The following MAGI1 variants were observed in gnomAD, a reference collection of about 807,000 sequenced individuals.
The protein encoded by MAGI1 is membrane-associated guanylate kinase, WW and PDZ domain-containing protein 1.
In MAGI1, 58 loss-of-function variants were observed where a neutral mutation model predicts 139.9. The observed-to-expected ratio is 0.41, with a 90% CI of 0.34 to 0.52. The LOEUF (loss-of-function observed/expected upper bound fraction) is 0.52, where lower values mean the gene tolerates loss of function less well. Among genes scored for constraint, MAGI1 ranks in the 20% least tolerant of loss-of-function variants. The pLI is 0.12. For synonymous variants in MAGI1, 812 were observed against 737.9 expected, an observed-to-expected ratio of 1.10 and a Z score of -1.63; for missense variants, 1,874 against 1,901.6, an observed-to-expected ratio of 0.99 and a Z score of 0.27.
chr3:65,910,801 T>G (rs1171524575), intron 1 of MAGI1, among the ~76,000 whole-genome samples: 1 of 149,834 alleles, frequency 6.7e-6, no homozygotes, highest in Non-Finnish European at 1.5e-5. Flanking sequence ...GCTCATCACC[T>G]ATCCAACACA....
At chr3:65,619,797 C>T (rs1052518973) in intron 2 of MAGI1, 1 of 949,072 alleles carries the variant, frequency 1.1e-6, no homozygotes, top group Admixed American at 6.2e-5. Context: ...CCAAAACAGA[C>T]CTCTTCTGAA....
At chr3:65,630,487 G>A (rs1043601682) in intron 1 of MAGI1, among the ~76,000 whole-genome samples, 3 of 152,116 alleles carry the variant, frequency 2.0e-5, no homozygotes, top group Non-Finnish European at 4.4e-5. Context: ...AGAAGCACTA[G>A]TGGATAATGA....
intron 22 of MAGI1, chr3:65,360,653 C>G: frequency 5.1e-6 from 5 of 986,414 alleles, no homozygotes; most frequent in Non-Finnish European, 6.0e-6. Context: ...GTAGTGGGCT[C>G]AGATGGTCTG....
chr3:65,518,175 A>G (rs1449458730), intron 2 of MAGI1, among the ~76,000 whole-genome samples: 5 of 152,110 alleles, frequency 3.3e-5, no homozygotes, highest in African/African-American at 7.2e-5. Context: ...GTTTCAGCCT[A>G]AAGACTATCT....
intron 1 of MAGI1, among the ~76,000 whole-genome samples, chr3:65,746,623 C>T (rs6797657): frequency 0.26 from 39,504 of 151,914 alleles, 6,441 homozygotes; most frequent in East Asian, 0.43. Flanking sequence ...TCCATTCACT[C>T]GGCACATCTA....
rs183642077 is a variant in MAGI1, at chr3:65,389,159, G to A, written c.2416+1983C>T. ...CGCCTGGCCCCGAATATTTCAGTCC[G>A]GCTGCCACCTGAGCAACTTCAGTAC... On this transcript the variant is annotated intron_variant, in intron 14 of 22. Coordinates refer to ENST00000402939, the MANE Select transcript of MAGI1 (RefSeq NM_001033057.2). 3.3e-3 allele frequency among the ~76,000 whole-genome samples: 499 copies of A among 152,124 alleles called. 2 individuals carry two copies. The highest frequency in any genetic ancestry group is 0.013 in the South Asian group (65 of 4,816).
chr3:65,924,515 C>T (rs1048786364), intron 1 of MAGI1, among the ~76,000 whole-genome samples: 4 of 152,164 alleles, frequency 2.6e-5, no homozygotes, highest in Non-Finnish European at 5.9e-5. Context: ...CCATCATTTC[C>T]GTGGCAGGAA....
At chr3:65,821,673 G>A (rs754564587) in intron 1 of MAGI1, among the ~76,000 whole-genome samples, 15 of 152,056 alleles carry the variant, frequency 9.9e-5, no homozygotes, top group Admixed American at 5.9e-4. Context: ...AAATCACTCC[G>A]AACCTACAGC....
intron 1 of MAGI1, among the ~76,000 whole-genome samples, chr3:65,869,466 T>G (rs939078780): frequency 2.0e-5 from 3 of 150,040 alleles, no homozygotes; most frequent in South Asian, 2.2e-4. Flanking sequence ...AGTGGCGTGA[T>G]CTCCACTCAC....
intron 2 of MAGI1, among the ~76,000 whole-genome samples, chr3:65,585,964 T>C (rs2081652689): frequency 6.6e-6 from 1 of 152,034 alleles, no homozygotes; most frequent in Non-Finnish European, 1.5e-5. Flanking sequence ...TCCCAGTACT[T>C]TGGGAGGCTG....
intron 1 of MAGI1, among the ~76,000 whole-genome samples, chr3:65,713,418 C>A (rs999546065): frequency 3.3e-5 from 5 of 151,990 alleles, no homozygotes; most frequent in Non-Finnish European, 7.4e-5. Context: ...TTCCCCCTAT[C>A]AAGCTGCAAG....
At chr3:66,035,696 A>C (rs966843062) in intron 1 of MAGI1, among the ~76,000 whole-genome samples, 2 of 152,122 alleles carry the variant, frequency 1.3e-5, no homozygotes, top group African/African-American at 2.4e-5. Flanking sequence ...ATCCATCCAT[A>C]CATACATATA....
chr3:65,484,695 A>T (rs1282167065), intron 3 of MAGI1, among the ~76,000 whole-genome samples: 1 of 151,594 alleles, frequency 6.6e-6, no homozygotes, highest in East Asian at 2.0e-4. Context: ...CAGCATGTAA[A>T]CTGTGCCCCC....
chr3:65,872,081 G>A (rs1559963758), intron 1 of MAGI1, among the ~76,000 whole-genome samples: 1 of 144,268 alleles, frequency 6.9e-6, no homozygotes, highest in Non-Finnish European at 1.5e-5. Flanking sequence ...ATTCCTAACT[G>A]GGAAAACTGG....
intron 1 of MAGI1, among the ~76,000 whole-genome samples, chr3:65,891,218 A>C (rs866991520): frequency 0.017 from 2,611 of 151,620 alleles, 68 homozygotes; most frequent in African/African-American, 0.06. Context: ...ACACACACAA[A>C]AAAAAAAAAA....
At chr3:65,835,783 T>C (rs1241511647) in intron 1 of MAGI1, among the ~76,000 whole-genome samples, 1 of 152,172 alleles carries the variant, frequency 6.6e-6, no homozygotes, top group African/African-American at 2.4e-5. Flanking sequence ...GATTTAAGAA[T>C]TTATATTTAC....
chr3:65,708,447 CGAA>C (rs2030770614), intron 1 of MAGI1, among the ~76,000 whole-genome samples: 1 of 151,970 alleles, frequency 6.6e-6, no homozygotes, highest in Admixed American at 6.6e-5. Flanking sequence ...CCCTCAGAGA[CGAA>C]GAAGCAGAGA....
At chr3:65,917,555 A>G (rs1260861336) in intron 1 of MAGI1, among the ~76,000 whole-genome samples, 1 of 152,230 alleles carries the variant, frequency 6.6e-6, no homozygotes, top group Non-Finnish European at 1.5e-5. Context: ...CAGTAAATGA[A>G]TGGATAAAAG....
intron 1 of MAGI1, among the ~76,000 whole-genome samples, chr3:65,779,384 G>A (rs139368263): frequency 2.8e-4 from 43 of 152,316 alleles, no homozygotes; most frequent in African/African-American, 1.0e-3. Flanking sequence ...AAGAAGGGCC[G>A]GGAGGGGACT....
Sources: gnomAD v4.1 joint callset for allele counts (sites outside exome capture counted in the v4.1 genomes callset) on GRCh38, gnomAD v4.1.1 for gene constraint, MANE v1.5 for transcripts, NCBI Gene and HGNC (gene_info 2026-07-23, HGNC 2026-07-21) for gene names.